ARSG: variants seen among roughly 807,000 people sequenced by gnomAD.
ARSG encodes the protein ASG.
Under a neutral mutation model 50.5 loss-of-function variants are expected in ARSG, and 37 were observed. The ratio of observed to expected loss-of-function variants is 0.73; its 90% CI spans 0.56 to 0.96. The LOEUF (loss-of-function observed/expected upper bound fraction) is 0.96. Among genes scored for constraint, ARSG ranks in the 50% least tolerant of loss-of-function variants. The probability of loss-of-function intolerance (pLI) is 0.00; values close to 1 mark genes in which losing one functional copy is unlikely to be tolerated. For missense variants in ARSG, 629 were observed against 675.3 expected, an observed-to-expected ratio of 0.93 and a Z score of 0.76; for synonymous variants, 225 against 254.6, an observed-to-expected ratio of 0.88 and a Z score of 1.11.
chr17:68,426,295 T>C, downstream of ARSG: 2 of 779,012 alleles, frequency 2.6e-6, no homozygotes, highest in East Asian at 2.6e-5. Context: ...CTGTCTGTCT[T>C]CCCCCTGGAG....
At chr17:68,403,469 A>T (rs182222622) in intron 11 of ARSG, among the ~76,000 whole-genome samples, 47 of 152,362 alleles carry the variant, frequency 3.1e-4, no homozygotes, top group Non-Finnish European at 4.9e-4. Flanking sequence ...TGGGAATAGG[A>T]TGAAACAGGG....
intron 1 of ARSG, among the ~76,000 whole-genome samples, chr17:68,293,424 A>G (rs1555757038): frequency 6.6e-6 from 1 of 152,180 alleles, no homozygotes; most frequent in African/African-American, 2.4e-5. Flanking sequence ...TCAGGAGTGA[A>G]TGAATGATTG....
chr17:68,284,726 T>C (rs1555753889), intron 1 of ARSG, among the ~76,000 whole-genome samples: 1 of 152,220 alleles, frequency 6.6e-6, no homozygotes, highest in African/African-American at 2.4e-5. Context: ...CCATTCCCAC[T>C]GTAGCCTAGT....
intron 11 of ARSG, among the ~76,000 whole-genome samples, chr17:68,415,437 AT>A: frequency 6.6e-6 from 1 of 152,266 alleles, no homozygotes; most frequent in South Asian, 2.1e-4. Context: ...TTTGTGGCCT[AT>A]TGTATGGTCT....
chr17:68,428,961 C>T, the ARSG span: 16 of 1,578,562 alleles, frequency 1.0e-5, no homozygotes, highest in Middle Eastern at 1.7e-4. Context: ...AAACATAAAC[C>T]GTGATGACAA....
chr17:68,430,096 A>G, the ARSG span: 1 of 1,614,142 alleles, frequency 6.2e-7, no homozygotes. Flanking sequence ...GTAGGGAGGT[A>G]GTTGGTAGCA....
chr17:68,321,183 A>C (rs535130435), intron 2 of ARSG, among the ~76,000 whole-genome samples: 1 of 152,298 alleles, frequency 6.6e-6, no homozygotes, highest in African/African-American at 2.4e-5. Context: ...CCCATCTCAA[A>C]AAAAGGAGAA....
chr17:68,284,269 C>T (rs1388745137), intron 1 of ARSG, among the ~76,000 whole-genome samples: 1 of 151,988 alleles, frequency 6.6e-6, no homozygotes, highest in Non-Finnish European at 1.5e-5. Flanking sequence ...GGTGTGGTGG[C>T]ACGTGCCTGT....
chr17:68,371,804 C>T (rs1384804977), intron 8 of ARSG, among the ~76,000 whole-genome samples: 1 of 151,984 alleles, frequency 6.6e-6, no homozygotes, highest in Non-Finnish European at 1.5e-5. Context: ...AACAAAGAAC[C>T]ACTAAAATAA....
the ARSG span, chr17:68,436,263 CA>C: frequency 2.4e-6 from 2 of 846,036 alleles, no homozygotes; most frequent in Non-Finnish European, 4.0e-6. Flanking sequence ...AACAACTCCC[CA>C]GTATTGCTTA....
At chr17:68,397,383 G>A (rs1297210309) in intron 10 of ARSG, among the ~76,000 whole-genome samples, 2 of 152,150 alleles carry the variant, frequency 1.3e-5, no homozygotes, top group African/African-American at 2.4e-5. Context: ...AGCACACGGG[G>A]CTGGCACCTG....
the ARSG span, among the ~76,000 whole-genome samples, chr17:68,447,659 G>A: frequency 1.3e-5 from 2 of 152,102 alleles, no homozygotes; most frequent in Non-Finnish European, 1.5e-5. Flanking sequence ...CTGAAGTGCT[G>A]GGACCACACT....
intron 10 of ARSG, among the ~76,000 whole-genome samples, chr17:68,395,560 G>C (rs2081206367): frequency 6.6e-6 from 1 of 152,214 alleles, no homozygotes; most frequent in Admixed American, 6.5e-5. Context: ...GACCCCAAAA[G>C]GTGAAGCATT....
intron 1 of ARSG, among the ~76,000 whole-genome samples, chr17:68,275,014 A>C (rs2075467341): frequency 6.6e-6 from 1 of 152,170 alleles, no homozygotes; most frequent in Non-Finnish European, 1.5e-5. Context: ...TACTGACCTC[A>C]GGTGATCCGC....
At chr17:68,325,209 G>A (rs1599727040) in intron 2 of ARSG, among the ~76,000 whole-genome samples, 1 of 152,054 alleles carries the variant, frequency 6.6e-6, no homozygotes, top group Non-Finnish European at 1.5e-5. Flanking sequence ...ATCAACAGCG[G>A]CATTAGATTC....
At chr17:68,392,683 A>G (rs1269251564) in intron 9 of ARSG, among the ~76,000 whole-genome samples, 5 of 152,106 alleles carry the variant, frequency 3.3e-5, no homozygotes, top group Non-Finnish European at 5.9e-5. Context: ...TATTTTTAGT[A>G]GAGACAGGGT....
chr17:68,304,535 C>T (rs1196738374), intron 1 of ARSG, among the ~76,000 whole-genome samples: 2 of 152,206 alleles, frequency 1.3e-5, no homozygotes, highest in Non-Finnish European at 2.9e-5. Flanking sequence ...TCTAACCACC[C>T]CCATCCATGT....
intron 10 of ARSG, among the ~76,000 whole-genome samples, chr17:68,398,515 C>T (rs551854858): frequency 6.6e-6 from 1 of 152,242 alleles, no homozygotes; most frequent in African/African-American, 2.4e-5. Flanking sequence ...TTGTGTTCAC[C>T]CTCAGATACA....
intron 5 of ARSG, among the ~76,000 whole-genome samples, chr17:68,352,799 C>T (rs1001635212): frequency 4.6e-5 from 7 of 152,034 alleles, no homozygotes; most frequent in African/African-American, 1.4e-4. Flanking sequence ...CGTGAGTCAC[C>T]GCACCCAGCG....
Sources: allele counts gnomAD v4.1 joint callset (sites outside exome capture counted in the v4.1 genomes callset), GRCh38; gene constraint gnomAD v4.1.1; transcripts MANE v1.5; gene names NCBI Gene and HGNC (gene_info 2026-07-23, HGNC 2026-07-21).